PARL: variants seen among roughly 807,000 people sequenced by gnomAD.
PARL encodes the protein presenilin associated rhomboid like.
A neutral mutation model predicts 51.6 loss-of-function variants in PARL; 44 were observed. The observed-to-expected ratio is 0.85, with a 90% CI of 0.67 to 1.10. PARL has a LOEUF of 1.10. PARL is among the 50% of genes least tolerant of loss of function. PARL has a pLI of 0.00. For synonymous variants in PARL, 172 were observed against 164.0 expected (o/e 1.05, Z -0.37); for missense variants, 441 against 469.5 (o/e 0.94, Z 0.56).
At chr3:183,864,128 T>C (rs543115776) in intron 3 of PARL, among the ~76,000 whole-genome samples, 1 of 152,312 alleles carries the variant, frequency 6.6e-6, no homozygotes, top group South Asian at 2.1e-4. Flanking sequence ...GTTATTGTCA[T>C]TTTCACCTGC....
chr3:183,827,811 T>C (rs530180467), downstream of PARL, among the ~76,000 whole-genome samples: 5 of 152,026 alleles, frequency 3.3e-5, no homozygotes, highest in South Asian at 1.0e-3. Context: ...TTACTAAGAG[T>C]ACAGAGAGAT....
At chr3:183,859,369 A>G (rs922354934) in intron 4 of PARL, among the ~76,000 whole-genome samples, 2 of 152,002 alleles carry the variant, frequency 1.3e-5, no homozygotes, top group African/African-American at 4.8e-5. Context: ...ACAGAGTCTC[A>G]CTCTACTGCC....
At chr3:183,881,207 T>C (rs1734398848) in intron 1 of PARL, among the ~76,000 whole-genome samples, 1 of 151,472 alleles carries the variant, frequency 6.6e-6, no homozygotes, top group Non-Finnish European at 1.5e-5. Context: ...CTGCAACCTC[T>C]GCCTCCTGGG....
At chr3:183,860,705 A>G (rs545122173) in intron 4 of PARL, among the ~76,000 whole-genome samples, 1 of 152,348 alleles carries the variant, frequency 6.6e-6, no homozygotes, top group East Asian at 1.9e-4. Context: ...GTTAAATGGC[A>G]TAAAATCATG....
chr3:183,851,408 A>G (rs1395778708), intron 4 of PARL, among the ~76,000 whole-genome samples: 1 of 152,226 alleles, frequency 6.6e-6, no homozygotes, highest in Admixed American at 6.5e-5. Context: ...ATATCTCTTA[A>G]TAAGGGTCTA....
At chr3:183,868,713 G>A (rs146973654) in intron 1 of PARL, among the ~76,000 whole-genome samples, 248 of 152,298 alleles carry the variant, frequency 1.6e-3, no homozygotes, top group African/African-American at 5.8e-3. Flanking sequence ...CCCACCAGTT[G>A]TCAGTTTCAG....
intron 1 of PARL, among the ~76,000 whole-genome samples, chr3:183,878,106 G>A (rs1411118128): frequency 6.6e-6 from 1 of 152,118 alleles, no homozygotes; most frequent in Non-Finnish European, 1.5e-5. Flanking sequence ...CAGTACTCTT[G>A]ACTGCTTAAT....
intron 7 of PARL, among the ~76,000 whole-genome samples, chr3:183,837,952 A>T (rs1484026465): frequency 1.3e-5 from 2 of 152,132 alleles, no homozygotes; most frequent in Non-Finnish European, 2.9e-5. Flanking sequence ...TCTCTACAGA[A>T]AAGTTTAAAA....
intron 4 of PARL, among the ~76,000 whole-genome samples, chr3:183,853,356 G>A (rs113392318): frequency 0.033 from 4,991 of 152,022 alleles, 269 homozygotes; most frequent in African/African-American, 0.11. Context: ...TGAAGTCAGG[G>A]TTTCGAGACC....
At chr3:183,877,371 G>A (rs1733968475) in intron 1 of PARL, among the ~76,000 whole-genome samples, 1 of 152,224 alleles carries the variant, frequency 6.6e-6, no homozygotes, top group Non-Finnish European at 1.5e-5. Flanking sequence ...TACTCCTGGT[G>A]AAGACACTGT....
chr3:183,870,553 T>C (rs554294257), intron 1 of PARL, among the ~76,000 whole-genome samples: 2 of 152,168 alleles, frequency 1.3e-5, no homozygotes, highest in South Asian at 4.1e-4. Flanking sequence ...CCTTAGCTCA[T>C]CCCTTCTGGC....
chr3:183,845,908 A>G (rs1729892813), intron 4 of PARL, among the ~76,000 whole-genome samples: 3 of 152,334 alleles, frequency 2.0e-5, no homozygotes, highest in South Asian at 2.1e-4. Context: ...TGGTCTGGCC[A>G]TGATCATAAA....
chr3:183,826,786 G>A (rs987222335), downstream of PARL: 13 of 985,236 alleles, frequency 1.3e-5, no homozygotes, highest in South Asian at 4.7e-5. Context: ...TGGACTGTCC[G>A]CCACGGCCCT....
intron 1 of PARL, among the ~76,000 whole-genome samples, chr3:183,880,418 T>G (rs1396645999): frequency 1.3e-5 from 2 of 152,150 alleles, no homozygotes; most frequent in African/African-American, 4.8e-5. Context: ...TTTCCGTTTT[T>G]AAGACACAGT....
chr3:183,827,572 T>C (rs1727515006), downstream of PARL, among the ~76,000 whole-genome samples: 1 of 151,986 alleles, frequency 6.6e-6, no homozygotes, highest in Non-Finnish European at 1.5e-5. Context: ...GGCTCAACAG[T>C]CCAGGGACTA....
At chr3:183,882,251 A>ATTTATATATATATATATT (rs1474333601) in intron 1 of PARL, among the ~76,000 whole-genome samples, 2 of 50,682 alleles carry the variant, frequency 3.9e-5, no homozygotes, top group Admixed American at 2.6e-4. Context: ...ATATTTATAT[A>ATTTATATATATATATATT]TATATATATA....
intron 7 of PARL, among the ~76,000 whole-genome samples, chr3:183,838,683 T>C (rs1250321661): frequency 6.6e-6 from 1 of 152,152 alleles, no homozygotes; most frequent in Non-Finnish European, 1.5e-5. Flanking sequence ...AGAAGTTCAG[T>C]AATATGTCCT....
chr3:183,829,918 C>T (rs187788368), intron 9 of PARL, among the ~76,000 whole-genome samples: 57 of 152,248 alleles, frequency 3.7e-4, no homozygotes, highest in African/African-American at 1.2e-3. Flanking sequence ...CTGAATGCTC[C>T]GCAGTGTGTG....
intron 1 of PARL, among the ~76,000 whole-genome samples, chr3:183,880,980 A>AT (rs919970747): frequency 1.3e-4 from 19 of 150,308 alleles, no homozygotes; most frequent in African/African-American, 3.9e-4. Flanking sequence ...ATACCCACTA[A>AT]TTTTTTTTAC....
Sources: gnomAD v4.1 joint callset for allele counts (sites outside exome capture counted in the v4.1 genomes callset) on GRCh38, gnomAD v4.1.1 for gene constraint, MANE v1.5 for transcripts, NCBI Gene and HGNC (gene_info 2026-07-23, HGNC 2026-07-21) for gene names.